The following CASP5 variants were observed in gnomAD, a reference collection of about 807,000 sequenced individuals.
CASP5 encodes the protein caspase 5.
CASP5 carries 42 observed loss-of-function variants against 45.2 expected under a neutral mutation model. The observed-to-expected ratio is 0.93, with a 90% CI of 0.73 to 1.20. The LOEUF is 1.20. Among genes scored for constraint, CASP5 ranks in the 50% most tolerant of loss-of-function variants. CASP5 has a pLI of 0.00. For synonymous variants in CASP5, 209 were observed against 186.2 expected, an observed-to-expected ratio of 1.12 and a Z score of -1.00; for missense variants, 512 against 532.2, an observed-to-expected ratio of 0.96 and a Z score of 0.37.
At chr11:105,011,360 G>A (rs1030832470) in intron 1 of CASP5, among the ~76,000 whole-genome samples, 2 of 151,608 alleles carry the variant, frequency 1.3e-5, no homozygotes, top group Non-Finnish European at 3.0e-5. Flanking sequence ...CATACTCAAT[G>A]GTGAAAAGAT....
rs1197597276 is a variant in CASP5, at chr11:105,000,324, T to C, written c.889A>G (p.Asn297Asp). The change falls in exon 6 of 10, where the codon AAC (asparagine) becomes GAC (aspartate). Residue 297 changes from asparagine to aspartate, a missense_variant. Asn to Asp is a conservative substitution (Grantham distance 23). Transcript: ENST00000260315. ...LYDTIFQIFN[N>D]RNCLSLKDKP... ...TCCTTTAGACTGAGGCAGTTGCGGT[T>C]GTTGAATATCTGGAAGATGGTGTCA... The C allele has an allele frequency of 5.0e-6, 8 of 1,614,212 alleles. No homozygotes were observed. The highest frequency in any genetic ancestry group is 5.9e-6 in the Non-Finnish European group (7 of 1,180,020).
Position 105,008,210 on chromosome 11 carries a change from A to C in CASP5, c.181+597T>G, listed in dbSNP as rs116934759. Reference sequence around the variant, plus strand: ...TGGAAAGGGGTTAAAGTTGGAACAAATTTGTTTAGAAGAAAAAGTGTTTAA... The same window carrying C: ...TGGAAAGGGGTTAAAGTTGGAACAACTTTGTTTAGAAGAAAAAGTGTTTAA... On this transcript the variant is annotated intron_variant, in intron 2 of 9. Coordinates refer to ENST00000260315, the MANE Select transcript of CASP5 (RefSeq NM_004347.5). Among the ~76,000 whole-genome samples, 70 of 152,224 alleles carry C rather than the reference A, an allele frequency of 4.6e-4. No homozygotes were observed. In the East Asian group the frequency reaches 0.013, roughly 28 times the overall value.
At chr11:105,009,759 ACACACACACACG>A (rs1294542536) in intron 1 of CASP5, among the ~76,000 whole-genome samples, 59 of 64,238 alleles carry the variant, frequency 9.2e-4, no homozygotes, top group African/African-American at 1.9e-3. Flanking sequence ...ATATATATAT[ACACACACACACG>A]TATATATATA....
rs1861570058 is a variant in CASP5 at position 104,998,505 on chromosome 11, T to C, written c.1096+380A>G. On this transcript the variant is annotated intron_variant, in intron 7 of 9. Coordinates refer to ENST00000260315, the MANE Select transcript of CASP5 (RefSeq NM_004347.5). ...GTAGAAGAGGGCTTGAAGTTGATCG[T>C]TTGGAAAGACAGCCAGTACTGGGAT... Among the ~76,000 whole-genome samples, 3 of 152,136 alleles carry C rather than the reference T, an allele frequency of 2.0e-5. No homozygotes were observed. The South Asian group carries it at 6.2e-4, about 32-fold the overall frequency.
chr11:105,011,851 T>G (rs760423440), intron 1 of CASP5, among the ~76,000 whole-genome samples: 13 of 151,732 alleles, frequency 8.6e-5, no homozygotes, highest in African/African-American at 1.9e-4. Flanking sequence ...ATTACATTAT[T>G]ATGTCTATAC....
At chr11:105,006,944 A>G in intron 3 of CASP5, 139 bp downstream of exon 3, 1 of 794,456 alleles carries the variant, frequency 1.3e-6, no homozygotes. Context: ...GTGGTCTCTA[A>G]CAGGATGATG....
In CASP5 at chr11:105,009,773, A is replaced by ACG. The variant is rs1565388185; in HGVS notation, c.8-794_8-793insCG. ...TATATATATATACACACACACACGTATATATATATATATACACACGTATAT... is the reference window on the plus strand; with the variant it reads ...TATATATATATACACACACACACGTACGTATATATATATATACACACGTATAT... On this transcript the variant is annotated intron_variant, in intron 1 of 9. Coordinates refer to ENST00000260315, the MANE Select transcript of CASP5 (RefSeq NM_004347.5). 3.9e-3 allele frequency among the ~76,000 whole-genome samples: 224 copies of ACG among 57,360 alleles called. 2 individuals are homozygous for ACG. Among genetic ancestry groups the ACG allele is most frequent in the Admixed American group, 0.015 (85 of 5,582 alleles). 37.6% of individuals were successfully genotyped at this position (57,360 alleles called of 152,430 possible). A position where few individuals can be genotyped will look rare whatever the true frequency, so the allele number is the denominator to read the frequency against.
Position 105,017,912 on chromosome 11 carries a change from T to C in CASP5, c.7+5218A>G, listed in dbSNP as rs570578269. Among the ~76,000 whole-genome samples the C allele has an allele frequency of 1.1e-4, 17 of 152,148 alleles. No individual in the cohort carries two copies. In the South Asian group the frequency reaches 3.5e-3, roughly 32 times the overall value. Reference sequence around the variant, plus strand: ...TGTTAAGGGCAGCCAGAGAGAAAGGTCAGGTTACCCTCAAAGAGAAGCCCA... The same window carrying C: ...TGTTAAGGGCAGCCAGAGAGAAAGGCCAGGTTACCCTCAAAGAGAAGCCCA... On this transcript the variant is annotated intron_variant, in intron 1 of 9. Coordinates refer to ENST00000260315, the MANE Select transcript of CASP5 (RefSeq NM_004347.5).
intron 5 of CASP5, among the ~76,000 whole-genome samples, chr11:105,001,678 A>G (rs1399932269): frequency 2.0e-5 from 3 of 152,156 alleles, no homozygotes; most frequent in Non-Finnish European, 2.9e-5. Context: ...AAAAATAAAA[A>G]TAGAGTGCCC....
Position 105,003,326 on chromosome 11 carries a change from T to C in CASP5, c.491A>G (p.Lys164Arg), listed in dbSNP as rs1400919131. Residue 164 changes from lysine to arginine, a missense_variant, in exon 4 of 10, where the codon AAA becomes AGA. Coordinates refer to ENST00000260315, the MANE Select transcript of CASP5 (RefSeq NM_004347.5). ...CAGGAATTCTTCACGAGGACAAAGT[T>C]TGAGTATATTTGTAGATTCTGCTGA... The part of the protein sequence containing the change: ...PESAESTNIL[K>R]LCPREEFLRL... 1 of 1,606,776 alleles carries C rather than the reference T, an allele frequency of 6.2e-7. No homozygotes were observed. Among genetic ancestry groups the C allele is most frequent in the African/African-American group, 1.3e-5 (1 of 74,424 alleles).
chr11:105,003,387 T>C lies in CASP5; in HGVS notation c.434-4A>G. ...CCAGCCTCGATTTGCAGAAGAGCTG[T>C]GGGATATCACAAAATATAAATTATG... On this transcript the variant is annotated splice_region_variant and splice_polypyrimidine_tract_variant and intron_variant, in intron 3 of 9. Coordinates refer to ENST00000260315, the MANE Select transcript of CASP5 (RefSeq NM_004347.5). 1 of 1,516,878 alleles carries C rather than the reference T, an allele frequency of 6.6e-7. No individual in the cohort carries two copies. Among genetic ancestry groups the C allele is most frequent in the Non-Finnish European group, 9.0e-7 (1 of 1,106,740 alleles). 94.0% of individuals were successfully genotyped at this position (1,516,878 alleles called of 1,614,324 possible). A position where few individuals can be genotyped will look rare whatever the true frequency, so the allele number is the denominator to read the frequency against.
intron 4 of CASP5, among the ~76,000 whole-genome samples, chr11:105,002,535 T>C (rs193163369): frequency 6.6e-6 from 1 of 152,318 alleles, no homozygotes; most frequent in East Asian, 1.9e-4. Flanking sequence ...AAAATAAATA[T>C]AGCAAATTTT....
At chr11:105,019,219 G>C (rs902508607) in intron 1 of CASP5, among the ~76,000 whole-genome samples, 9 of 150,918 alleles carry the variant, frequency 6.0e-5, no homozygotes, top group African/African-American at 2.2e-4. Flanking sequence ...ATCCAAAATT[G>C]ACACCCTAAC....
At chr11:105,019,310 C>T (rs901906367) in intron 1 of CASP5, among the ~76,000 whole-genome samples, 1 of 149,800 alleles carries the variant, frequency 6.7e-6, no homozygotes, top group East Asian at 1.9e-4. Flanking sequence ...AAAATCAGAG[C>T]AGAACTGAAG....
Position 105,005,715 on chromosome 11 carries a change from T to A in CASP5, c.433+1368A>T, listed in dbSNP as rs554035933. On this transcript the variant is annotated intron_variant, in intron 3 of 9. Coordinates refer to ENST00000260315, the MANE Select transcript of CASP5 (RefSeq NM_004347.5). ...CAGATAGGCTAATTCAGTTTAGAGT[T>A]TAGTGCTCATCATATATGATATCTG... Among the ~76,000 whole-genome samples, 6 of 152,298 alleles carry A rather than the reference T, an allele frequency of 3.9e-5. No homozygotes were observed. In the East Asian group the frequency reaches 1.2e-3, roughly 29 times the overall value.
intron 1 of CASP5, among the ~76,000 whole-genome samples, chr11:105,010,076 T>C (rs1399221871): frequency 1.3e-5 from 2 of 150,644 alleles, no homozygotes; most frequent in Non-Finnish European, 3.0e-5. Context: ...TTTATCTAAA[T>C]ATAAGGATAG....
intron 9 of CASP5, chr11:104,995,318 CCATAGATAGCT>C (rs1346499159): frequency 6.5e-6 from 1 of 154,132 alleles, no homozygotes; most frequent in East Asian, 1.9e-4. Flanking sequence ...CCTGCTTTCC[CCATAGATAGCT>C]CCTGTGTTTA....
chr11:105,013,282 G>A (rs909781874), intron 1 of CASP5, among the ~76,000 whole-genome samples: 3 of 152,008 alleles, frequency 2.0e-5, no homozygotes, highest in African/African-American at 7.2e-5. Context: ...AGTTTGGGGA[G>A]ATGTTGATCA....
chr11:105,023,042 G>T, intron 1 of CASP5, 88 bp downstream of exon 1: 2 of 1,210,436 alleles, frequency 1.7e-6, no homozygotes, highest in Non-Finnish European at 2.4e-6. Flanking sequence ...TTTCCCTTTT[G>T]GTATTTCTGC....
Sources: gnomAD v4.1 joint callset for allele counts (sites outside exome capture counted in the v4.1 genomes callset) on GRCh38, gnomAD v4.1.1 for gene constraint, MANE v1.5 for transcripts, NCBI Gene and HGNC (gene_info 2026-07-23, HGNC 2026-07-21) for gene names.